Variants in FHIT observed in about 807,000 individuals in gnomAD.
The protein encoded by FHIT is fragile histidine triad diadenosine triphosphatase.
A neutral mutation model predicts 17.9 loss-of-function variants in FHIT; 19 were observed. The ratio of observed to expected loss-of-function variants is 1.06; its 90% CI spans 0.74 to 1.56. The LOEUF (loss-of-function observed/expected upper bound fraction) is 1.56. Ranked by LOEUF, FHIT falls within the 40% of genes most tolerant of loss-of-function variation. FHIT has a pLI of 0.00. For missense variants in FHIT, 248 were observed against 189.2 expected, an observed-to-expected ratio of 1.31 and a Z score of -1.82; for synonymous variants, 81 against 69.7, an observed-to-expected ratio of 1.16 and a Z score of -0.81.
At chr3:59,763,220 C>G (rs1466113550) in intron 8 of FHIT, among the ~76,000 whole-genome samples, 2 of 152,206 alleles carry the variant, frequency 1.3e-5, no homozygotes, top group Non-Finnish European at 2.9e-5. Flanking sequence ...CATATGGCTT[C>G]TTTTTTCAAA....
chr3:61,042,166 G>A (rs551410121), intron 2 of FHIT, 67 bp from the exon 3 acceptor site: 1 of 152,290 alleles, frequency 6.6e-6, no homozygotes, highest in East Asian at 1.9e-4. Context: ...CTCTTTTGCA[G>A]AAGCACTGAT....
At position 59,790,207 on chromosome 3, in the gene FHIT, C is replaced by T. The variant is rs62238260; in HGVS notation, c.349-37886G>A. ...GCCAGTAGTTTAAAAGCAGCATTTC[C>T]AGATTTCCTTTGCTTCCATACCAAA... On this transcript the variant is annotated intron_variant, in intron 8 of 9. Transcript: ENST00000492590. Among the ~76,000 whole-genome samples the T allele has an allele frequency of 2.3e-3, 345 of 152,270 alleles. 2 individuals are homozygous for T. The highest frequency in any genetic ancestry group is 3.8e-3 in the Non-Finnish European group (256 of 68,024).
intron 5 of FHIT, among the ~76,000 whole-genome samples, chr3:60,154,678 C>T (rs1486926015): frequency 1.3e-5 from 2 of 152,146 alleles, no homozygotes; most frequent in African/African-American, 4.8e-5. Flanking sequence ...GGTCCAATGA[C>T]ATGACGGTTT....
chr3:60,840,093 A>G (rs1553744709), intron 3 of FHIT, among the ~76,000 whole-genome samples: 2 of 151,842 alleles, frequency 1.3e-5, no homozygotes, highest in African/African-American at 2.4e-5. Flanking sequence ...TTCAGAGCCT[A>G]AAGGCCTTGA....
intron 5 of FHIT, among the ~76,000 whole-genome samples, chr3:60,316,439 G>A (rs1413649092): frequency 6.6e-6 from 1 of 152,102 alleles, no homozygotes; most frequent in African/African-American, 2.4e-5. Context: ...AAGCCTTAGA[G>A]CCTATTCATT....
chr3:60,267,550 G>T (rs1182705270), intron 5 of FHIT, among the ~76,000 whole-genome samples: 1 of 152,024 alleles, frequency 6.6e-6, no homozygotes, highest in East Asian at 1.9e-4. Flanking sequence ...GATGCAGCAT[G>T]TTTATCCTAG....
At chr3:60,052,713 T>C (rs1323668287) in intron 5 of FHIT, among the ~76,000 whole-genome samples, 2 of 150,212 alleles carry the variant, frequency 1.3e-5, no homozygotes, top group Non-Finnish European at 3.0e-5. Context: ...GGGCATCCCA[T>C]CTAGGATGGG....
At chr3:60,175,518 G>C (rs995583969) in intron 5 of FHIT, among the ~76,000 whole-genome samples, 2 of 152,068 alleles carry the variant, frequency 1.3e-5, no homozygotes, top group African/African-American at 4.8e-5. Context: ...CAAACAAAAA[G>C]AAAAGACTAA....
At chr3:60,153,096 G>T (rs1392839538) in intron 5 of FHIT, among the ~76,000 whole-genome samples, 1 of 152,086 alleles carries the variant, frequency 6.6e-6, no homozygotes, top group Admixed American at 6.6e-5. Context: ...ACTAACAGCA[G>T]CATCTTGAAT....
At chr3:60,170,847 A>AT (rs912522769) in intron 5 of FHIT, among the ~76,000 whole-genome samples, 1 of 152,128 alleles carries the variant, frequency 6.6e-6, no homozygotes, top group African/African-American at 2.4e-5. Context: ...TTAATTATCT[A>AT]TTTTTTCTCC....
At chr3:60,537,004 T>A in intron 4 of FHIT, 25 bp from the exon 5 acceptor site, 1 of 1,573,616 alleles carries the variant, frequency 6.4e-7, no homozygotes, top group South Asian at 1.2e-5. Context: ...AATGGATAGT[T>A]ATAAAATTCA....
chr3:60,641,545 C>T (rs376641786), intron 4 of FHIT, among the ~76,000 whole-genome samples: 9 of 152,244 alleles, frequency 5.9e-5, no homozygotes, highest in Middle Eastern at 3.4e-3. Flanking sequence ...ATGAAATTTA[C>T]GAGAGTCCAA....
chr3:59,854,258 T>A (rs376143563), intron 8 of FHIT, among the ~76,000 whole-genome samples: 1 of 152,280 alleles, frequency 6.6e-6, no homozygotes, highest in South Asian at 2.1e-4. Context: ...GTCCCTGCTG[T>A]ATAACTCGCC....
chr3:60,887,087 T>C (rs1446226485), intron 3 of FHIT, among the ~76,000 whole-genome samples: 2 of 152,208 alleles, frequency 1.3e-5, no homozygotes, highest in East Asian at 3.9e-4. Flanking sequence ...TTAGGAAAAA[T>C]TTGTCTCTCC....
intron 7 of FHIT, among the ~76,000 whole-genome samples, chr3:60,006,874 T>G (rs2106655585): frequency 6.6e-6 from 1 of 152,278 alleles, no homozygotes; most frequent in South Asian, 2.1e-4. Flanking sequence ...CCACAGAAAC[T>G]TCTCAGTGAA....
intron 3 of FHIT, among the ~76,000 whole-genome samples, chr3:60,868,703 A>G (rs1704270081): frequency 6.6e-6 from 1 of 152,192 alleles, no homozygotes; most frequent in South Asian, 2.1e-4. Context: ...AAACTGTTTC[A>G]TACCGACATT....
intron 7 of FHIT, among the ~76,000 whole-genome samples, chr3:59,961,462 T>TA (rs1396069753): frequency 3.3e-5 from 5 of 152,166 alleles, no homozygotes; most frequent in African/African-American, 1.2e-4. Context: ...GATGTACGGG[T>TA]AAAAAACTCC....
intron 5 of FHIT, among the ~76,000 whole-genome samples, chr3:60,158,757 G>A (rs1024498846): frequency 6.6e-6 from 1 of 152,090 alleles, no homozygotes; most frequent in African/African-American, 2.4e-5. Flanking sequence ...CTTCCCTTTA[G>A]AGATGTGAGA....
intron 3 of FHIT, among the ~76,000 whole-genome samples, chr3:60,948,974 C>T (rs1446046163): frequency 6.6e-6 from 1 of 151,978 alleles, no homozygotes; most frequent in Non-Finnish European, 1.5e-5. Flanking sequence ...TAAAATATTC[C>T]CCATAAAAAT....
Sources: gnomAD v4.1 joint callset for allele counts (sites outside exome capture counted in the v4.1 genomes callset) on GRCh38, gnomAD v4.1.1 for gene constraint, MANE v1.5 for transcripts, NCBI Gene and HGNC (gene_info 2026-07-23, HGNC 2026-07-21) for gene names.